The following AUTS2 variants were observed in gnomAD, a reference collection of about 807,000 sequenced individuals.
AUTS2 encodes the protein activator of transcription and developmental regulator AUTS2.
AUTS2 carries 17 observed loss-of-function variants against 112.4 expected under a neutral mutation model. That is an observed-to-expected ratio of 0.15 (90% confidence interval 0.10 to 0.23). The LOEUF (loss-of-function observed/expected upper bound fraction) is 0.23, where lower values mean the gene tolerates loss of function less well. Among genes scored for constraint, AUTS2 ranks in the 10% least tolerant of loss-of-function variants. The probability of loss-of-function intolerance (pLI) is 1.00; values close to 1 mark genes in which losing one functional copy is unlikely to be tolerated. For missense variants in AUTS2, 1,510 were observed against 1,701.6 expected, an observed-to-expected ratio of 0.89 and a Z score of 1.98; for synonymous variants, 751 against 702.7, an observed-to-expected ratio of 1.07 and a Z score of -1.09.
intron 1 of AUTS2, among the ~76,000 whole-genome samples, chr7:69,843,190 A>C (rs1792055506): frequency 1.3e-5 from 2 of 152,174 alleles, no homozygotes. Flanking sequence ...GGTAGACTTC[A>C]GCTCTTCCAA....
At chr7:70,079,017 A>G (rs1803174016) in intron 2 of AUTS2, among the ~76,000 whole-genome samples, 1 of 152,186 alleles carries the variant, frequency 6.6e-6, no homozygotes, top group African/African-American at 2.4e-5. Flanking sequence ...AAAACATGGA[A>G]TAATGGTGCC....
At chr7:70,406,067 G>A (rs1794521660) in intron 4 of AUTS2, among the ~76,000 whole-genome samples, 1 of 152,116 alleles carries the variant, frequency 6.6e-6, no homozygotes, top group Non-Finnish European at 1.5e-5. Flanking sequence ...TCTTTTCACG[G>A]TCTCCCCTTC....
At chr7:69,828,275 G>A (rs1791343070) in intron 1 of AUTS2, among the ~76,000 whole-genome samples, 1 of 152,162 alleles carries the variant, frequency 6.6e-6, no homozygotes, top group Non-Finnish European at 1.5e-5. Context: ...TCTTGTGTGG[G>A]CACTTCTAGA....
chr7:69,619,610 A>G (rs1033655347), intron 1 of AUTS2, among the ~76,000 whole-genome samples: 5 of 151,888 alleles, frequency 3.3e-5, no homozygotes, highest in African/African-American at 1.2e-4. Flanking sequence ...CAGAAGTGCT[A>G]TCAATTATGT....
At chr7:70,323,402 G>A (rs1382083798) in intron 4 of AUTS2, among the ~76,000 whole-genome samples, 1 of 152,200 alleles carries the variant, frequency 6.6e-6, no homozygotes, top group Non-Finnish European at 1.5e-5. Flanking sequence ...CCCTCATGAA[G>A]TGGTATTGGA....
intron 5 of AUTS2, among the ~76,000 whole-genome samples, chr7:70,563,708 G>A (rs540840806): frequency 1.6e-4 from 24 of 152,236 alleles, no homozygotes; most frequent in South Asian, 4.2e-4. Flanking sequence ...AGAGAAAAGC[G>A]GTGGAAATTG....
chr7:70,620,030 C>T (rs774879249), intron 5 of AUTS2, among the ~76,000 whole-genome samples: 2 of 152,194 alleles, frequency 1.3e-5, no homozygotes, highest in Non-Finnish European at 2.9e-5. Flanking sequence ...CTCCCTGTAC[C>T]GCTCTGTAGG....
intron 2 of AUTS2, among the ~76,000 whole-genome samples, chr7:70,035,831 T>C (rs1800977396): frequency 6.6e-6 from 1 of 152,198 alleles, no homozygotes; most frequent in African/African-American, 2.4e-5. Context: ...TCTCCTTCAA[T>C]GCTCCTTCTA....
intron 2 of AUTS2, among the ~76,000 whole-genome samples, chr7:69,925,965 A>G (rs1280060246): frequency 6.6e-6 from 1 of 152,232 alleles, no homozygotes; most frequent in Non-Finnish European, 1.5e-5. Flanking sequence ...AGCCTGGGCA[A>G]CATAGTGAGA....
At chr7:70,118,020 T>C in intron 2 of AUTS2, 112 bp from the exon 3 acceptor site, 1 of 1,317,414 alleles carries the variant, frequency 7.6e-7, no homozygotes, top group Non-Finnish European at 9.9e-7. Flanking sequence ...AGTGCTGGGA[T>C]TACAGGCGTG....
chr7:70,709,693 C>A (rs1245435988), intron 6 of AUTS2, among the ~76,000 whole-genome samples: 2 of 152,306 alleles, frequency 1.3e-5, no homozygotes, highest in South Asian at 4.1e-4. Context: ...GCCTAGGCAA[C>A]AGAGCAAGAT....
intron 4 of AUTS2, among the ~76,000 whole-genome samples, chr7:70,276,178 A>C (rs1381849786): frequency 6.6e-6 from 1 of 152,198 alleles, no homozygotes; most frequent in Non-Finnish European, 1.5e-5. Context: ...TAGAGATACA[A>C]ATAGCTCAGA....
intron 5 of AUTS2, among the ~76,000 whole-genome samples, chr7:70,470,304 AGTGAACCAGTTCTG>A (rs1400055560): frequency 6.6e-6 from 1 of 152,228 alleles, no homozygotes; most frequent in East Asian, 1.9e-4. Context: ...AAGGAGCATC[AGTGAACCAGTTCTG>A]GTGAACCAGT....
intron 5 of AUTS2, among the ~76,000 whole-genome samples, chr7:70,684,122 A>C (rs531916886): frequency 2.0e-4 from 31 of 151,884 alleles, no homozygotes; most frequent in East Asian, 5.8e-4. Flanking sequence ...GATGCTTAAT[A>C]ATAAGGCTAG....
At chr7:69,853,220 G>A (rs1014347808) in intron 1 of AUTS2, among the ~76,000 whole-genome samples, 1 of 152,092 alleles carries the variant, frequency 6.6e-6, no homozygotes, top group African/African-American at 2.4e-5. Flanking sequence ...TCAATTAATT[G>A]TTGATAAAGG....
intron 4 of AUTS2, among the ~76,000 whole-genome samples, chr7:70,341,686 C>A (rs1043653418): frequency 6.6e-6 from 1 of 152,222 alleles, no homozygotes; most frequent in South Asian, 2.1e-4. Flanking sequence ...TGAAACCAAT[C>A]TAATGCTCAG....
At chr7:70,058,907 A>C (rs1802115295) in intron 2 of AUTS2, among the ~76,000 whole-genome samples, 1 of 152,182 alleles carries the variant, frequency 6.6e-6, no homozygotes, top group African/African-American at 2.4e-5. Context: ...CAAAAAGTGC[A>C]GAATCCTCCC....
intron 2 of AUTS2, among the ~76,000 whole-genome samples, chr7:70,039,240 C>T (rs1801140903): frequency 6.6e-6 from 1 of 152,056 alleles, no homozygotes; most frequent in African/African-American, 2.4e-5. Context: ...TATAATGGGG[C>T]TTAATTACAA....
At chr7:70,076,914 G>A (rs1009664920) in intron 2 of AUTS2, among the ~76,000 whole-genome samples, 9 of 152,264 alleles carry the variant, frequency 5.9e-5, no homozygotes, top group African/African-American at 2.2e-4. Context: ...TATCCAGGTG[G>A]TTGAAGGGAC....
Sources: allele counts gnomAD v4.1 joint callset (sites outside exome capture counted in the v4.1 genomes callset), GRCh38; gene constraint gnomAD v4.1.1; transcripts MANE v1.5; gene names NCBI Gene and HGNC (gene_info 2026-07-23, HGNC 2026-07-21).